ALG9: variants seen among roughly 807,000 people sequenced by gnomAD.
The protein encoded by ALG9 is alpha-1,2-mannosyltransferase ALG9.
In ALG9, 55 loss-of-function variants were observed where a neutral mutation model predicts 81.8. The observed-to-expected ratio is 0.67, with a 90% CI of 0.54 to 0.84. The LOEUF (loss-of-function observed/expected upper bound fraction) is 0.84. ALG9 is among the 40% of genes least tolerant of loss of function. ALG9 has a pLI of 0.00. For synonymous variants in ALG9, 278 were observed against 274.3 expected, an observed-to-expected ratio of 1.01 and a Z score of -0.13; for missense variants, 629 against 745.0, an observed-to-expected ratio of 0.84 and a Z score of 1.81.
intron 4 of ALG9, chr11:111,864,566 G>A (rs527610462): frequency 3.5e-6 from 2 of 576,004 alleles, no homozygotes; most frequent in Admixed American, 3.0e-5. Context: ...TGTAGCACAT[G>A]TGCTGTAATA....
chr11:111,828,473 G>T (rs1029414944), intron 13 of ALG9, among the ~76,000 whole-genome samples: 52 of 152,304 alleles, frequency 3.4e-4, no homozygotes, highest in South Asian at 2.1e-4. Flanking sequence ...AACAAAAAGC[G>T]TTCCTTGGAG....
chr11:111,847,327 A>G (rs1957087994), intron 8 of ALG9, among the ~76,000 whole-genome samples: 1 of 152,222 alleles, frequency 6.6e-6, no homozygotes, highest in Non-Finnish European at 1.5e-5. Context: ...AACAGAGGGC[A>G]TTTGCGGGTA....
chr11:111,864,610 T>C (rs1787799984), intron 4 of ALG9: 1 of 496,578 alleles, frequency 2.0e-6, no homozygotes, highest in Non-Finnish European at 3.7e-6. Flanking sequence ...CTTTAACATC[T>C]ACCTCTCTGA....
intron 13 of ALG9, among the ~76,000 whole-genome samples, chr11:111,810,598 A>T (rs1398490300): frequency 1.3e-5 from 2 of 152,180 alleles, no homozygotes; most frequent in East Asian, 1.9e-4. Context: ...TCTTTAAAAA[A>T]TACAAAAATT....
intron 14 of ALG9, 152 bp downstream of exon 14, chr11:111,809,491 G>T: frequency 1.1e-6 from 1 of 882,952 alleles, no homozygotes; most frequent in Non-Finnish European, 1.8e-6. Context: ...GATCACACCA[G>T]CCTGGGCAAC....
At chr11:111,871,229 C>T (rs1793727661) in intron 1 of ALG9, 123 bp downstream of exon 1, 6 of 1,312,804 alleles carry the variant, frequency 4.6e-6, no homozygotes, top group Non-Finnish European at 5.8e-6. Context: ...GAAGAGGGAG[C>T]TCGGGCCTCC....
intron 6 of ALG9, among the ~76,000 whole-genome samples, chr11:111,856,823 T>G (rs1958768233): frequency 6.6e-6 from 1 of 152,088 alleles, no homozygotes; most frequent in South Asian, 2.1e-4. Context: ...GAAGGAAGAC[T>G]GGGCCAGGCG....
intron 8 of ALG9, among the ~76,000 whole-genome samples, chr11:111,852,571 C>T (rs1957997274): frequency 6.6e-6 from 1 of 152,312 alleles, no homozygotes; most frequent in South Asian, 2.1e-4. Context: ...TCCAAACTTT[C>T]TCCCCAAATG....
At chr11:111,865,955 A>G (rs1325966797) in intron 3 of ALG9, among the ~76,000 whole-genome samples, 1 of 152,232 alleles carries the variant, frequency 6.6e-6, no homozygotes, top group Non-Finnish European at 1.5e-5. Context: ...AGAATACCAT[A>G]TGGTTAAGAG....
chr11:111,802,114 C>T (rs1383377614), intron 14 of ALG9, among the ~76,000 whole-genome samples: 1 of 152,164 alleles, frequency 6.6e-6, no homozygotes, highest in Non-Finnish European at 1.5e-5. Flanking sequence ...GTGCTTTCCC[C>T]CAACTTCCCT....
intron 13 of ALG9, among the ~76,000 whole-genome samples, chr11:111,823,216 T>A (rs560105342): frequency 6.6e-6 from 1 of 152,228 alleles, no homozygotes; most frequent in Admixed American, 6.5e-5. Flanking sequence ...AGGTTTGGAG[T>A]GCAAACCACT....
intron 9 of ALG9, among the ~76,000 whole-genome samples, chr11:111,844,108 G>A (rs1337227430): frequency 1.3e-5 from 2 of 152,040 alleles, no homozygotes; most frequent in South Asian, 2.1e-4. Context: ...GGGTTCAAAC[G>A]ATTCTCCTGC....
In ALG9 at chr11:111,844,741, G is replaced by T. The variant is rs1371250301; in HGVS notation, c.896-18C>A. ...TTCTGTACCTGAGGGAGACATAAAG[G>T]TAAGAAATCATTAGTGGATGCCTTT... On this transcript the variant is annotated intron_variant, in intron 8 of 14. Coordinates refer to ENST00000616540, the MANE Select transcript of ALG9 (RefSeq NM_024740.2). 1 of 1,612,696 alleles carries T rather than the reference G, an allele frequency of 6.2e-7. No homozygotes were observed.
intron 13 of ALG9, among the ~76,000 whole-genome samples, chr11:111,828,538 T>C (rs1953769693): frequency 6.6e-6 from 1 of 152,156 alleles, no homozygotes; most frequent in Non-Finnish European, 1.5e-5. Flanking sequence ...ATATAATTTG[T>C]GGAAAGAGTA....
At chr11:111,862,785 TCTTGTTC>T (rs1960788722) in intron 4 of ALG9, among the ~76,000 whole-genome samples, 1 of 151,636 alleles carries the variant, frequency 6.6e-6, no homozygotes, top group Admixed American at 6.6e-5. Context: ...ATCTCTTGTT[TCTTGTTC>T]ATGTTTTTGG....
chr11:111,798,082 A>G (rs1948568026), intron 14 of ALG9: 2 of 165,168 alleles, frequency 1.2e-5, no homozygotes, highest in Non-Finnish European at 2.7e-5. Flanking sequence ...CCGTGCCTGC[A>G]GTCCCACCTA....
chr11:111,771,752 G>A, the ALG9 span, among the ~76,000 whole-genome samples: 16 of 152,182 alleles, frequency 1.1e-4, no homozygotes, highest in Admixed American at 3.9e-4. Flanking sequence ...TTAATTCATC[G>A]CAAAGTAGTG....
chr11:111,858,335 C>T (rs149659928), intron 5 of ALG9, among the ~76,000 whole-genome samples: 12 of 152,262 alleles, frequency 7.9e-5, no homozygotes, highest in Admixed American at 3.3e-4. Flanking sequence ...TAGAATTCCA[C>T]GCTCCCCAGG....
chr11:111,809,643 C>T lies in ALG9; in HGVS notation c.1733G>A (p.Arg578Lys), dbSNP rs1950419422. Reference sequence around the variant, plus strand: ...ATCCCATAGGATTAAAGCCACATACCTAGAAGCATCAAGGAATGGTCTATA... The same window carrying T: ...ATCCCATAGGATTAAAGCCACATACTTAGAAGCATCAAGGAATGGTCTATA... Reference protein sequence around the residue: ...LAYRPFLDASRSSKLLRAFYV... With the variant: ...LAYRPFLDASKSSKLLRAFYV... The change falls in exon 14 of 15, where the codon AGA (arginine) becomes AAA (lysine). Residue 578 changes from arginine (R) to lysine (K), a missense_variant and splice_region_variant. Arg to Lys is a conservative substitution (Grantham distance 26, BLOSUM62 2). This residue lies in a region of ALG9 where 264 missense variants were observed against 302.2 expected (regional missense o/e 0.87). Coordinates refer to ENST00000616540, the MANE Select transcript of ALG9 (RefSeq NM_024740.2). 2.5e-6 allele frequency: 4 copies of T among 1,613,956 alleles called. No homozygotes were observed. Among genetic ancestry groups the T allele is most frequent in the Admixed American group, 1.7e-5 (1 of 60,014 alleles).
Sources: allele counts gnomAD v4.1 joint callset (sites outside exome capture counted in the v4.1 genomes callset), GRCh38; gene constraint gnomAD v4.1.1; regional missense constraint gnomAD v4.1.1; transcripts MANE v1.5; gene names NCBI Gene and HGNC (gene_info 2026-07-23, HGNC 2026-07-21).